The following SLIT3 variants were observed in gnomAD, a reference collection of about 807,000 sequenced individuals.
SLIT3 encodes the protein slit homolog 3 protein.
Under a neutral mutation model 184.0 loss-of-function variants are expected in SLIT3, and 68 were observed. The observed-to-expected ratio is 0.37, with a 90% CI of 0.30 to 0.45. The LOEUF (loss-of-function observed/expected upper bound fraction) is 0.45, where lower values mean the gene tolerates loss of function less well. Among genes scored for constraint, SLIT3 ranks in the 20% least tolerant of loss-of-function variants. The probability of loss-of-function intolerance (pLI) is 1.00; values close to 1 mark genes in which losing one functional copy is unlikely to be tolerated. For missense variants in SLIT3, 1,707 were observed against 2,026.0 expected (o/e 0.84, Z 3.02); for synonymous variants, 831 against 828.6 (o/e 1.00, Z -0.05).
chr5:169,068,449 T>C (rs1758432268), intron 4 of SLIT3, among the ~76,000 whole-genome samples: 1 of 152,162 alleles, frequency 6.6e-6, no homozygotes, highest in South Asian at 2.1e-4. Context: ...TGTAGATCAC[T>C]AAGACGAAGC....
intron 4 of SLIT3, among the ~76,000 whole-genome samples, chr5:169,020,384 G>C (rs1028046346): frequency 1.3e-5 from 2 of 152,072 alleles, no homozygotes; most frequent in Non-Finnish European, 2.9e-5. Context: ...GATCCCCCAC[G>C]ATGTTGACAA....
At chr5:169,168,737 T>G (rs779929787) in intron 4 of SLIT3, among the ~76,000 whole-genome samples, 3 of 152,256 alleles carry the variant, frequency 2.0e-5, no homozygotes, top group Non-Finnish European at 4.4e-5. Context: ...CAGTTACACC[T>G]GATCCCCTTC....
chr5:169,052,654 G>A (rs991465396), intron 4 of SLIT3, among the ~76,000 whole-genome samples: 1 of 152,170 alleles, frequency 6.6e-6, no homozygotes, highest in Admixed American at 6.6e-5. Context: ...ACATGTGGTA[G>A]GTCACATCCT....
At chr5:168,942,029 G>C (rs1286163879) in intron 4 of SLIT3, among the ~76,000 whole-genome samples, 1 of 152,176 alleles carries the variant, frequency 6.6e-6, no homozygotes, top group Non-Finnish European at 1.5e-5. Flanking sequence ...TGTTCGGGAT[G>C]AAAGGGAGGA....
intron 5 of SLIT3, among the ~76,000 whole-genome samples, chr5:168,868,949 A>C (rs535548896): frequency 6.6e-6 from 1 of 152,210 alleles, no homozygotes; most frequent in Admixed American, 6.5e-5. Flanking sequence ...TTCTGGGGTA[A>C]GAGGTGGCCA....
chr5:168,786,230 A>G (rs868685956), intron 11 of SLIT3, among the ~76,000 whole-genome samples: 52 of 152,202 alleles, frequency 3.4e-4, no homozygotes, highest in African/African-American at 1.3e-3. Flanking sequence ...ACCTAGCCCA[A>G]TACATAATCC....
intron 1 of SLIT3, among the ~76,000 whole-genome samples, chr5:169,255,797 G>A (rs1005389789): frequency 6.6e-6 from 1 of 152,018 alleles, no homozygotes; most frequent in Non-Finnish European, 1.5e-5. Flanking sequence ...GCAGGAGAAT[G>A]GTGTGAACCC....
At chr5:168,714,960 G>A (rs1444371978) in intron 23 of SLIT3, among the ~76,000 whole-genome samples, 1 of 152,186 alleles carries the variant, frequency 6.6e-6, no homozygotes, top group Non-Finnish European at 1.5e-5. Context: ...CCATTCCTTA[G>A]TTCTGGGCTG....
intron 3 of SLIT3, among the ~76,000 whole-genome samples, chr5:169,241,355 T>A (rs201309467): frequency 6.6e-6 from 1 of 152,204 alleles, no homozygotes; most frequent in Non-Finnish European, 1.5e-5. Flanking sequence ...ATATGTAAAG[T>A]GCCTGACATG....
intron 4 of SLIT3, among the ~76,000 whole-genome samples, chr5:169,000,392 CA>C (rs34002967): frequency 0.25 from 10,707 of 42,912 alleles, 206 homozygotes; most frequent in South Asian, 0.3. Context: ...AACTCCATCT[CA>C]AAAAAAAAAA....
At chr5:168,723,204 T>A (rs570857047) in intron 21 of SLIT3, among the ~76,000 whole-genome samples, 200 bp from the exon 22 acceptor site, 104 of 152,012 alleles carry the variant, frequency 6.8e-4, no homozygotes, top group Non-Finnish European at 1.2e-3. Context: ...CCCATCCGCT[T>A]TCCCATCCAT....
intron 4 of SLIT3, among the ~76,000 whole-genome samples, chr5:169,090,412 A>C (rs994984744): frequency 2.6e-5 from 4 of 152,324 alleles, no homozygotes; most frequent in South Asian, 2.1e-4. Context: ...TGCAGAGATC[A>C]ACAACCCCAC....
At chr5:168,899,975 C>A (rs759358095) in intron 4 of SLIT3, among the ~76,000 whole-genome samples, 1 of 152,098 alleles carries the variant, frequency 6.6e-6, no homozygotes, top group African/African-American at 2.4e-5. Flanking sequence ...AAAAGAGAAG[C>A]GAGAATATTC....
At chr5:169,176,289 A>G (rs1441735481) in intron 4 of SLIT3, among the ~76,000 whole-genome samples, 4 of 152,192 alleles carry the variant, frequency 2.6e-5, no homozygotes, top group Non-Finnish European at 5.9e-5. Flanking sequence ...AGTGAGGTTT[A>G]CCTGAAAGAA....
chr5:169,150,615 T>C (rs890421024), intron 4 of SLIT3, among the ~76,000 whole-genome samples: 2 of 152,098 alleles, frequency 1.3e-5, no homozygotes, highest in Admixed American at 6.6e-5. Context: ...TTAATCGCCC[T>C]GGCCCCTCTT....
chr5:168,860,883 G>A (rs1002229681), intron 5 of SLIT3, among the ~76,000 whole-genome samples: 5 of 152,144 alleles, frequency 3.3e-5, no homozygotes, highest in Admixed American at 2.6e-4. Context: ...GTTTCTGCCC[G>A]ACTCTGGTGC....
intron 1 of SLIT3, among the ~76,000 whole-genome samples, chr5:169,254,092 C>T (rs1289878615): frequency 2.0e-5 from 3 of 152,006 alleles, no homozygotes; most frequent in Non-Finnish European, 4.4e-5. Context: ...CCCCCAACTC[C>T]ACACAGCTGG....
chr5:168,713,651 G>GA (rs1437056416), intron 23 of SLIT3, among the ~76,000 whole-genome samples: 2 of 152,186 alleles, frequency 1.3e-5, no homozygotes, highest in African/African-American at 4.8e-5. Flanking sequence ...AATAACGAAT[G>GA]AATTTGCTCT....
chr5:169,243,446 T>C (rs575317484), intron 3 of SLIT3, among the ~76,000 whole-genome samples: 1 of 152,336 alleles, frequency 6.6e-6, no homozygotes, highest in South Asian at 2.1e-4. Context: ...TATAATTATT[T>C]TCCCTTGCAA....
Sources: allele counts gnomAD v4.1 joint callset (sites outside exome capture counted in the v4.1 genomes callset), GRCh38; gene constraint gnomAD v4.1.1; transcripts MANE v1.5; gene names NCBI Gene and HGNC (gene_info 2026-07-23, HGNC 2026-07-21).